Variants in CRIM1 observed in about 807,000 individuals in gnomAD.
CRIM1 encodes the protein cysteine-rich motor neuron 1 protein.
Under a neutral mutation model 116.4 loss-of-function variants are expected in CRIM1, and 32 were observed. That is an observed-to-expected ratio of 0.27 (90% CI 0.21 to 0.37). CRIM1 has a LOEUF of 0.37. Ranked by LOEUF, CRIM1 falls within the 10% of genes least tolerant of loss-of-function variation. CRIM1 has a pLI of 1.00. For missense variants in CRIM1, 1,331 were observed against 1,354.8 expected, an observed-to-expected ratio of 0.98 and a Z score of 0.28; for synonymous variants, 590 against 509.2, an observed-to-expected ratio of 1.16 and a Z score of -2.13.
intron 1 of CRIM1, among the ~76,000 whole-genome samples, chr2:36,373,774 A>G (rs1326191253): frequency 6.6e-6 from 1 of 151,476 alleles, no homozygotes; most frequent in Non-Finnish European, 1.5e-5. Context: ...TGATGTGTGC[A>G]TGTGCATCCA....
intron 5 of CRIM1, among the ~76,000 whole-genome samples, chr2:36,465,615 G>T (rs560225253): frequency 6.6e-6 from 1 of 152,126 alleles, no homozygotes; most frequent in South Asian, 2.1e-4. Context: ...TTTTAGGCCC[G>T]TGGCCAAGTT....
chr2:36,521,438 CAAGT>C (rs1424147409), intron 12 of CRIM1, among the ~76,000 whole-genome samples: 2 of 152,112 alleles, frequency 1.3e-5, no homozygotes, highest in Non-Finnish European at 2.9e-5. Context: ...CATGTGGCCA[CAAGT>C]AAGAGAAAAT....
At chr2:36,449,879 A>G (rs1160007737) in intron 4 of CRIM1, among the ~76,000 whole-genome samples, 1 of 69,646 alleles carries the variant, frequency 1.4e-5, no homozygotes, top group Admixed American at 1.5e-4. Context: ...TTAAAAAAAC[A>G]AAACAAAAAA....
In CRIM1 at chr2:36,550,324, A is replaced by G. The variant is rs989540216; in HGVS notation, c.*1623A>G. On this transcript the variant is annotated 3_prime_UTR_variant, in exon 17 of 17. Transcript: ENST00000280527. Reference sequence around the variant, plus strand: ...TGGAAGTTTGTTGTAGTATGCCTCAAATATAACTGACTGTATACTATAGTG... The same window carrying G: ...TGGAAGTTTGTTGTAGTATGCCTCAGATATAACTGACTGTATACTATAGTG... 1 of 152,416 alleles carries G rather than the reference A, an allele frequency of 6.6e-6. No homozygotes were observed. The highest frequency in any genetic ancestry group is 1.5e-5 in the Non-Finnish European group (1 of 67,998). 9.4% of individuals were successfully genotyped at this position (152,416 alleles called of 1,614,324 possible).
chr2:36,504,505 C>T (rs190012754), intron 8 of CRIM1, among the ~76,000 whole-genome samples: 2 of 152,278 alleles, frequency 1.3e-5, no homozygotes, highest in East Asian at 1.9e-4. Context: ...TTGAACATAA[C>T]GTAATTTGCC....
chr2:36,538,740 C>T (rs1485892227), intron 14 of CRIM1, among the ~76,000 whole-genome samples: 1 of 152,032 alleles, frequency 6.6e-6, no homozygotes, highest in African/African-American at 2.4e-5. Context: ...GTTGGGTTCT[C>T]TTTATAGTTT....
At chr2:36,537,308 G>A (rs200571903) in intron 13 of CRIM1, 44 bp from the exon 14 acceptor site, 68 of 1,555,364 alleles carry the variant, frequency 4.4e-5, no homozygotes, top group South Asian at 1.2e-4. Flanking sequence ...GATCGTGTGC[G>A]TTGTCACATC....
intron 7 of CRIM1, among the ~76,000 whole-genome samples, chr2:36,484,762 C>T (rs1679692311): frequency 6.6e-6 from 1 of 152,160 alleles, no homozygotes; most frequent in East Asian, 1.9e-4. Context: ...ATTTTGAAGC[C>T]AACACCAGAG....
Position 36,471,441 on chromosome 2 carries a change from A to G in CRIM1, c.992-5448A>G, listed in dbSNP as rs944180119. On this transcript the variant is annotated intron_variant, in intron 5 of 16. Coordinates refer to ENST00000280527, the MANE Select transcript of CRIM1 (RefSeq NM_016441.3). ...GCCACAGCCACCCCAACCTTCAGCA[A>G]CCACCATCCTTATCAGTCAGCAGCC... Among the ~76,000 whole-genome samples, 4 of 152,318 alleles carry G rather than the reference A, an allele frequency of 2.6e-5. No homozygotes were observed. In the South Asian group the frequency reaches 6.2e-4, roughly 24 times the overall value.
At chr2:36,378,220 C>T (rs1670466291) in intron 1 of CRIM1, 1 of 445,652 alleles carries the variant, frequency 2.2e-6, no homozygotes, top group Non-Finnish European at 4.6e-6. Context: ...CGCAGGTGTT[C>T]AGTAAATGTA....
intron 13 of CRIM1, among the ~76,000 whole-genome samples, chr2:36,522,666 G>A (rs551501800): frequency 6.6e-6 from 1 of 152,006 alleles, no homozygotes; most frequent in Non-Finnish European, 1.5e-5. Context: ...GCTGTGTGTG[G>A]TGGCACACAC....
In CRIM1 at chr2:36,441,611, G is replaced by A. The variant is rs1012087728; in HGVS notation, c.748+111G>A. On this transcript the variant is annotated intron_variant, in intron 3 of 16. Coordinates refer to ENST00000280527, the MANE Select transcript of CRIM1 (RefSeq NM_016441.3). ...TCACACGAAGATGGGCCTTCTCACC[G>A]GTGTCCTGTGAATCTGCCACTTTGG... is the stretch of plus-strand genomic sequence containing the variant. 6.3e-5 allele frequency: 87 copies of A among 1,375,958 alleles called. 1 individual carries two copies. The highest frequency in any genetic ancestry group is 1.3e-4 in the African/African-American group (9 of 70,280). 85.2% of individuals were successfully genotyped at this position (1,375,958 alleles called of 1,614,324 possible). A position where few individuals can be genotyped will look rare whatever the true frequency, so the allele number is the denominator to read the frequency against.
intron 10 of CRIM1, chr2:36,513,355 C>T (rs1017462297): frequency 4.0e-5 from 22 of 551,880 alleles, no homozygotes; most frequent in Non-Finnish European, 5.8e-5. Flanking sequence ...AAACTATTTG[C>T]CGGTTTTTTT....
intron 7 of CRIM1, among the ~76,000 whole-genome samples, chr2:36,490,088 C>T (rs1278512343): frequency 6.6e-6 from 1 of 152,174 alleles, no homozygotes; most frequent in Non-Finnish European, 1.5e-5. Context: ...TAAGTTACAA[C>T]AGGCAGGGTT....
intron 8 of CRIM1, among the ~76,000 whole-genome samples, chr2:36,506,175 TCTCTCTCACA>T (rs1185070543): frequency 7.1e-5 from 6 of 84,576 alleles, no homozygotes; most frequent in Non-Finnish European, 1.6e-4. Context: ...TCTCTCTCTC[TCTCTCTCACA>T]CACACACACA....
intron 13 of CRIM1, among the ~76,000 whole-genome samples, chr2:36,527,936 G>T (rs1354777921): frequency 6.6e-6 from 1 of 151,780 alleles, no homozygotes; most frequent in African/African-American, 2.4e-5. Context: ...TATAATCACA[G>T]CTCTGTCACA....
At chr2:36,541,900 G>A (rs1267738721) in intron 14 of CRIM1, among the ~76,000 whole-genome samples, 4 of 152,186 alleles carry the variant, frequency 2.6e-5, no homozygotes, top group African/African-American at 9.7e-5. Flanking sequence ...CTGGGTCTAG[G>A]CGTGGAAACA....
At chr2:36,527,949 C>G (rs971070074) in intron 13 of CRIM1, among the ~76,000 whole-genome samples, 2 of 151,986 alleles carry the variant, frequency 1.3e-5, no homozygotes, top group Non-Finnish European at 2.9e-5. Flanking sequence ...CTGTCACATT[C>G]TAGCTTTATG....
chr2:36,405,256 A>T (rs374133417), intron 2 of CRIM1, among the ~76,000 whole-genome samples: 1 of 152,224 alleles, frequency 6.6e-6, no homozygotes, highest in Non-Finnish European at 1.5e-5. Context: ...GAGTATTAGC[A>T]TTCATGCCGC....
Sources: gnomAD v4.1 joint callset for allele counts (sites outside exome capture counted in the v4.1 genomes callset) on GRCh38, gnomAD v4.1.1 for gene constraint, MANE v1.5 for transcripts, NCBI Gene and HGNC (gene_info 2026-07-23, HGNC 2026-07-21) for gene names.